The following SYDE2 variants were observed in gnomAD, a reference collection of about 807,000 sequenced individuals.
SYDE2 encodes rho GTPase-activating protein SYDE2.
A neutral mutation model predicts 91.5 loss-of-function variants in SYDE2; 76 were observed. The ratio of observed to expected loss-of-function variants is 0.83; its 90% confidence interval spans 0.69 to 1.01. The LOEUF is 1.01. Among genes scored for constraint, SYDE2 ranks in the 50% least tolerant of loss-of-function variants. The pLI is 0.00. For missense variants in SYDE2, 1,364 were observed against 1,367.7 expected, an observed-to-expected ratio of 1.00 and a Z score of 0.04; for synonymous variants, 513 against 506.4, an observed-to-expected ratio of 1.01 and a Z score of -0.18.
Position 85,200,810 on chromosome 1 carries a change from G to A in SYDE2, c.187C>T (p.Arg63Trp), listed in dbSNP as rs971511330. 1 of 1,457,710 alleles carries A rather than the reference G, an allele frequency of 6.9e-7. No homozygotes were observed. The highest frequency in any genetic ancestry group is 1.5e-5 in the African/African-American group (1 of 67,486). The allele number at this position is 1,457,710 out of a possible 1,614,324, so 90.3% of individuals were successfully genotyped here. A position where few individuals can be genotyped will look rare whatever the true frequency, so the allele number is the denominator to read the frequency against. The change falls in exon 1 of 7, where the codon CGG becomes TGG. Residue 63 changes from arginine (R) to tryptophan (W), a missense_variant. By Grantham distance (101) the Arg-to-Trp change is moderately radical (BLOSUM62 -3). Transcript: ENST00000341460. ...GRPRQQVSPP[R>W]SPQREPRGGQ... The stretch of plus-strand genomic sequence containing the variant: ...CCCCGCGGCTCCCTCTGAGGCGACC[G>A]GGGCGGGGACACCTGCTGCCGAGGG...
downstream of SYDE2, among the ~76,000 whole-genome samples, chr1:85,156,380 C>G (rs12408571): frequency 0.48 from 72,223 of 149,562 alleles, 19,635 homozygotes; most frequent in South Asian, 0.62. Flanking sequence ...GATCTTGTCT[C>G]TATTAAAAAA....
chr1:85,200,129 T>G (rs1188459035), intron 1 of SYDE2, 123 bp downstream of exon 1: 2 of 1,535,540 alleles, frequency 1.3e-6, no homozygotes, highest in Non-Finnish European at 1.7e-6. Context: ...TACATGACAC[T>G]TACTTTCGCC....
chr1:85,159,004 C>A lies in SYDE2; in HGVS notation c.3331G>T (p.Asp1111Tyr), dbSNP rs749418577. 9 of 780,614 alleles carry A rather than the reference C, an allele frequency of 1.2e-5. No homozygotes were observed. The highest frequency in any genetic ancestry group is 1.1e-4 in the South Asian group (8 of 74,590). The allele number at this position is 780,614 out of a possible 1,614,324, so 48.4% of individuals were successfully genotyped here. The change falls in exon 7 of 7, where the codon GAT (aspartate) becomes TAT (tyrosine). Residue 1111 changes from aspartate to tyrosine, a missense_variant. Physicochemically the swap from Asp to Tyr is radical, Grantham distance 160. Transcript: ENST00000341460. Reference sequence around the variant, plus strand: ...TCTTCTGAAGGGACATCATCATAATCCACATCATTTAAATTTTCTTTTGTA... The same window carrying A: ...TCTTCTGAAGGGACATCATCATAATACACATCATTTAAATTTTCTTTTGTA... ...LNTKENLNDVDYDDVPSEDRK... is the reference protein window; with the variant it reads ...LNTKENLNDVYYDDVPSEDRK...
At chr1:85,185,837 G>T (rs817449) in intron 2 of SYDE2, among the ~76,000 whole-genome samples, 16,981 of 151,964 alleles carry the variant, frequency 0.11, 1,168 homozygotes, top group African/African-American at 0.18. Flanking sequence ...CAACACTGTT[G>T]AATAGGAGTG....
At chr1:85,191,591 C>T (rs1294134997) in intron 1 of SYDE2, among the ~76,000 whole-genome samples, 1 of 151,964 alleles carries the variant, frequency 6.6e-6, no homozygotes, top group East Asian at 1.9e-4. Flanking sequence ...AACCCCGTCT[C>T]TATTAAAAAT....
chr1:85,159,467 A>G (rs1313827201), intron 6 of SYDE2, among the ~76,000 whole-genome samples: 1 of 152,218 alleles, frequency 6.6e-6, no homozygotes, highest in Non-Finnish European at 1.5e-5. Flanking sequence ...GTGCTAATTC[A>G]TGCTACATCA....
Position 85,173,713 on chromosome 1 carries a change from G to A in SYDE2, c.2671+4433C>T, listed in dbSNP as rs1657585762. On this transcript the variant is annotated intron_variant, in intron 4 of 6. Coordinates refer to ENST00000341460, the MANE Select transcript of SYDE2 (RefSeq NM_032184.2). The stretch of plus-strand genomic sequence containing the variant: ...TTTGATGTCCAGTAAAAAATTACGA[G>A]GCATATAAAGGAGGAGGCAAATATA... Among the ~76,000 whole-genome samples the A allele has an allele frequency of 2.0e-5, 3 of 152,022 alleles. No homozygotes were observed. The South Asian group carries it at 6.2e-4, about 32-fold the overall frequency.
intron 1 of SYDE2, among the ~76,000 whole-genome samples, chr1:85,195,911 C>G (rs1658568687): frequency 6.6e-6 from 1 of 152,138 alleles, no homozygotes; most frequent in Admixed American, 6.5e-5. Flanking sequence ...CTCACAGCAA[C>G]CTGAGGACTG....
chr1:85,172,733 C>A (rs185910080), intron 4 of SYDE2, among the ~76,000 whole-genome samples: 1 of 152,176 alleles, frequency 6.6e-6, no homozygotes, highest in Admixed American at 6.5e-5. Flanking sequence ...AGGTAAAGCC[C>A]GACAGTTGAA....
At chr1:85,188,857 G>C (rs1012604626) in intron 2 of SYDE2, among the ~76,000 whole-genome samples, 1 of 152,124 alleles carries the variant, frequency 6.6e-6, no homozygotes, top group African/African-American at 2.4e-5. Flanking sequence ...CATTTAAATA[G>C]TAATAAAACC....
chr1:85,168,401 T>C (rs1209892344), intron 5 of SYDE2, among the ~76,000 whole-genome samples: 2 of 152,210 alleles, frequency 1.3e-5, no homozygotes, highest in Non-Finnish European at 2.9e-5. Context: ...TAGCCTCATC[T>C]AGACAAGCCC....
At position 85,190,728 on chromosome 1, in the gene SYDE2, G is replaced by C; in HGVS notation, c.770C>G (p.Ser257Cys). ...LTDLFENAYG[S>C]SMKGRELEEL... ...TTCAAGTTCTCTTCCCTTCATTGAAGACCCATAGGCATTTTCAAATAAATC... is the reference window on the plus strand; with the variant it reads ...TTCAAGTTCTCTTCCCTTCATTGAACACCCATAGGCATTTTCAAATAAATC... The change falls in exon 2 of 7, where the codon TCT becomes TGT. Residue 257 changes from serine (S) to cysteine (C), a missense_variant. Transcript: ENST00000341460. The C allele has an allele frequency of 6.2e-7, 1 of 1,610,284 alleles. No homozygotes were observed. Among genetic ancestry groups the C allele is most frequent in the Non-Finnish European group, 8.5e-7 (1 of 1,178,532 alleles).
chr1:85,152,713 G>A (rs1429758181), downstream of SYDE2: 10 of 152,160 alleles, frequency 6.6e-5, no homozygotes, highest in Admixed American at 6.5e-4. Context: ...TGCTGCCATG[G>A]AGATTACATT....
chr1:85,200,406 T>C lies in SYDE2; in HGVS notation c.591A>G (p.Lys197=), dbSNP rs1040703223. 5 of 1,613,900 alleles carry C rather than the reference T, an allele frequency of 3.1e-6. No homozygotes were observed. In the East Asian group the frequency reaches 1.1e-4, roughly 36 times the overall value. The change falls in exon 1 of 7, where the codon AAA becomes AAG. Residue 197 remains lysine, a synonymous_variant. Transcript: ENST00000341460. ...TCATTCCCAGGGACAGCAGACGCCC[T>C]TTGTACATCCACTTCTGCAGCTTCT... The part of the protein sequence containing the change: ...TVKKLQKWMY[K]GRLLSLGMKG...
rs1302653476 is a variant in SYDE2, at chr1:85,157,060, A to G, written c.*1690T>C. On this transcript the variant is annotated 3_prime_UTR_variant, in exon 7 of 7. Transcript: ENST00000341460. ...AATTGTTAACACAAAGTTTTAAAAA[A>G]TGAAAATTTCATATAAAAATATTTA... is the stretch of plus-strand genomic sequence containing the variant. The G allele has an allele frequency of 6.6e-6, 1 of 152,048 alleles. No individual in the cohort carries two copies. The highest frequency in any genetic ancestry group is 1.5e-5 in the Non-Finnish European group (1 of 67,934). The allele number at this position is 152,048 out of a possible 1,614,324, so 9.4% of individuals were successfully genotyped here.
In SYDE2 at chr1:85,200,696, G is replaced by T; in HGVS notation, c.301C>A (p.Arg101=). The change falls in exon 1 of 7, where the codon CGG becomes AGG. Residue 101 remains arginine, a synonymous_variant. Coordinates refer to ENST00000341460, the MANE Select transcript of SYDE2 (RefSeq NM_032184.2). The part of the protein sequence containing the change: ...RVGAKPPPFQ[R]WPSDSWIRCG... Reference sequence around the variant, plus strand: ...CTGATCCAGCTGTCGCTCGGCCACCGCTGGAAGGGAGGCGGCTTGGCACCC... The same window carrying T: ...CTGATCCAGCTGTCGCTCGGCCACCTCTGGAAGGGAGGCGGCTTGGCACCC... The T allele has an allele frequency of 6.5e-7, 1 of 1,536,880 alleles. No individual in the cohort carries two copies. The highest frequency in any genetic ancestry group is 1.2e-5 in the South Asian group (1 of 84,154).
In SYDE2 at chr1:85,159,141, C is replaced by T. The variant is rs768103079; in HGVS notation, c.3194G>A (p.Ser1065Asn). Reference protein sequence around the residue: ...KKERPHMLNLSGTDSSGVLRP... With the variant: ...KKERPHMLNLNGTDSSGVLRP... Reference sequence around the variant, plus strand: ...AAGTACTCCTGATGAATCAGTACCACTCAAATTTAACATATGAGGTCGTTC... The same window carrying T: ...AAGTACTCCTGATGAATCAGTACCATTCAAATTTAACATATGAGGTCGTTC... Residue 1065 changes from serine to asparagine, a missense_variant, in exon 7 of 7, where the codon AGT (serine) becomes AAT (asparagine). Ser to Asn is a conservative substitution (Grantham distance 46). Coordinates refer to ENST00000341460, the MANE Select transcript of SYDE2 (RefSeq NM_032184.2). The T allele has an allele frequency of 1.3e-6, 1 of 780,840 alleles. No individual in the cohort carries two copies. The highest frequency in any genetic ancestry group is 1.7e-5 in the Admixed American group (1 of 59,026). The allele number at this position is 780,840 out of a possible 1,614,324, so 48.4% of individuals were successfully genotyped here.
chr1:85,199,741 T>C (rs1197489420), intron 1 of SYDE2, among the ~76,000 whole-genome samples: 2 of 151,736 alleles, frequency 1.3e-5, no homozygotes, highest in African/African-American at 4.9e-5. Context: ...TTTGGTTGTG[T>C]GTATGTATGC....
In SYDE2 at chr1:85,158,768, C is replaced by T. The variant is rs773121819; in HGVS notation, c.3567G>A (p.Lys1189=). The stretch of plus-strand genomic sequence containing the variant: ...CTCAATCTCAAAAACTCATATTAAG[C>T]TTGTTTTTGTTGAGCTCACGTTCCA... The part of the protein sequence containing the change: ...GNLERELNKN[K]LNMSF The change falls in exon 7 of 7, where the codon AAG becomes AAA. Residue 1189 remains lysine, a synonymous_variant. Transcript: ENST00000341460. 27 of 744,210 alleles carry T rather than the reference C, an allele frequency of 3.6e-5. No homozygotes were observed. Among genetic ancestry groups the T allele is most frequent in the Non-Finnish European group, 6.2e-5 (25 of 405,686 alleles). The allele number at this position is 744,210 out of a possible 1,614,324, so 46.1% of individuals were successfully genotyped here.
Sources: allele counts gnomAD v4.1 joint callset (sites outside exome capture counted in the v4.1 genomes callset), GRCh38; gene constraint gnomAD v4.1.1; transcripts MANE v1.5; gene names NCBI Gene and HGNC (gene_info 2026-07-23, HGNC 2026-07-21).